The following SLC25A21 variants were observed in gnomAD, a reference collection of about 807,000 sequenced individuals.
SLC25A21 encodes mitochondrial 2-oxodicarboxylate carrier.
SLC25A21 carries 47 observed loss-of-function variants against 43.8 expected under a neutral mutation model. The ratio of observed to expected loss-of-function variants is 1.07; its 90% CI spans 0.85 to 1.37. The LOEUF (loss-of-function observed/expected upper bound fraction) is 1.37, where lower values mean the gene tolerates loss of function less well. Among genes scored for constraint, SLC25A21 ranks in the 40% most tolerant of loss-of-function variants. SLC25A21 has a pLI of 0.00. For missense variants in SLC25A21, 352 were observed against 350.2 expected (o/e 1.00, Z -0.04); for synonymous variants, 131 against 121.3 (o/e 1.08, Z -0.52).
chr14:37,155,441 C>T (rs1433387043), intron 1 of SLC25A21, among the ~76,000 whole-genome samples: 3 of 152,118 alleles, frequency 2.0e-5, no homozygotes, highest in Non-Finnish European at 4.4e-5. Context: ...GGTGGCTCAA[C>T]AATACCTAGG....
chr14:36,950,041 G>A (rs1162077644), intron 1 of SLC25A21, among the ~76,000 whole-genome samples: 1 of 152,182 alleles, frequency 6.6e-6, no homozygotes, highest in African/African-American at 2.4e-5. Context: ...AGTATGCAGA[G>A]TTCTCCAAAT....
chr14:37,055,673 T>C (rs543220726), intron 1 of SLC25A21, among the ~76,000 whole-genome samples: 41 of 152,254 alleles, frequency 2.7e-4, no homozygotes, highest in Middle Eastern at 3.4e-3. Flanking sequence ...GAGCCTAGTC[T>C]TTCAACCATC....
chr14:37,152,473 G>A lies in SLC25A21; in HGVS notation c.70+19808C>T, dbSNP rs187681891. ...CTCAGCTCACTGCAACCTCTGCTCCGGGTTCAAGCAATTCTCCTGCTTCAG... is the reference window on the plus strand; with the variant it reads ...CTCAGCTCACTGCAACCTCTGCTCCAGGTTCAAGCAATTCTCCTGCTTCAG... On this transcript the variant is annotated intron_variant, in intron 1 of 9. Coordinates refer to ENST00000331299, the MANE Select transcript of SLC25A21 (RefSeq NM_030631.4). 3.2e-3 allele frequency among the ~76,000 whole-genome samples: 476 copies of A among 149,388 alleles called. 1 individual carries two copies. Among genetic ancestry groups the A allele is most frequent in the African/African-American group, 0.011 (447 of 40,554 alleles).
At chr14:36,801,300 G>A (rs1887861209) in intron 3 of SLC25A21, among the ~76,000 whole-genome samples, 1 of 152,102 alleles carries the variant, frequency 6.6e-6, no homozygotes, top group Admixed American at 6.6e-5. Flanking sequence ...ATGCCTCAAG[G>A]GGAAATTGCA....
chr14:37,025,580 T>G (rs1325112147), intron 1 of SLC25A21, among the ~76,000 whole-genome samples: 1 of 152,130 alleles, frequency 6.6e-6, no homozygotes, highest in Non-Finnish European at 1.5e-5. Flanking sequence ...TTATATCAAT[T>G]TAAATAGAAA....
chr14:37,138,841 C>A (rs952533189), intron 1 of SLC25A21, among the ~76,000 whole-genome samples: 3 of 152,046 alleles, frequency 2.0e-5, no homozygotes, highest in Admixed American at 6.6e-5. Flanking sequence ...TAGTCTTCAA[C>A]TGAATTTTTT....
At chr14:36,891,483 T>A (rs1450951990) in intron 1 of SLC25A21, among the ~76,000 whole-genome samples, 2 of 152,184 alleles carry the variant, frequency 1.3e-5, no homozygotes, top group Non-Finnish European at 2.9e-5. Context: ...TCTGATTTCT[T>A]CATGTGCTGC....
intron 3 of SLC25A21, among the ~76,000 whole-genome samples, chr14:36,806,244 A>T (rs188192122): frequency 0.016 from 2,372 of 151,956 alleles, 29 homozygotes; most frequent in Non-Finnish European, 0.024. Flanking sequence ...TTTTATTTTT[A>T]AAAAAAGAGG....
At chr14:37,083,932 A>T (rs1288434723) in intron 1 of SLC25A21, among the ~76,000 whole-genome samples, 1 of 152,248 alleles carries the variant, frequency 6.6e-6, no homozygotes, top group African/African-American at 2.4e-5. Context: ...GCATTTAGCC[A>T]TCATCACCGT....
At chr14:37,082,541 G>A (rs1468715095) in intron 1 of SLC25A21, among the ~76,000 whole-genome samples, 2 of 152,148 alleles carry the variant, frequency 1.3e-5, no homozygotes, top group African/African-American at 2.4e-5. Flanking sequence ...GAAATGAAAG[G>A]GGAGTGATAA....
At chr14:37,163,836 T>A (rs1262458585) in intron 1 of SLC25A21, among the ~76,000 whole-genome samples, 1 of 152,194 alleles carries the variant, frequency 6.6e-6, no homozygotes, top group African/African-American at 2.4e-5. Context: ...GTAAGTATTA[T>A]CTAATGACTA....
At chr14:36,693,974 A>G (rs1474075531) in intron 7 of SLC25A21, among the ~76,000 whole-genome samples, 1 of 152,216 alleles carries the variant, frequency 6.6e-6, no homozygotes, top group East Asian at 1.9e-4. Context: ...CAGGTTTGAT[A>G]CATAGGTATA....
At chr14:36,821,927 A>G (rs1203636291) in intron 2 of SLC25A21, among the ~76,000 whole-genome samples, 1 of 152,164 alleles carries the variant, frequency 6.6e-6, no homozygotes, top group Non-Finnish European at 1.5e-5. Context: ...GCCTCTAATC[A>G]TGTTCGAAGG....
chr14:36,807,188 A>C (rs1401301017), intron 3 of SLC25A21: 1 of 152,190 alleles, frequency 6.6e-6, no homozygotes. Flanking sequence ...TCTGAGATGT[A>C]GATCTCATCT....
intron 1 of SLC25A21, among the ~76,000 whole-genome samples, chr14:37,144,160 A>T (rs75087693): frequency 0.016 from 2,404 of 152,304 alleles, 29 homozygotes; most frequent in Non-Finnish European, 0.024. Flanking sequence ...AAATCTTGGG[A>T]AAAGGACTGA....
intron 2 of SLC25A21, among the ~76,000 whole-genome samples, chr14:36,827,543 T>C (rs529803818): frequency 6.6e-6 from 1 of 152,346 alleles, no homozygotes; most frequent in South Asian, 2.1e-4. Context: ...TTTAATTTTC[T>C]TTAATATAGA....
intron 1 of SLC25A21, among the ~76,000 whole-genome samples, chr14:37,119,996 T>C (rs17106358): frequency 0.025 from 3,806 of 152,192 alleles, 128 homozygotes; most frequent in Admixed American, 0.093. Flanking sequence ...GAAAATAAGA[T>C]GGAAACATTT....
At chr14:36,890,924 A>G (rs1437146226) in intron 1 of SLC25A21, among the ~76,000 whole-genome samples, 2 of 152,216 alleles carry the variant, frequency 1.3e-5, no homozygotes, top group African/African-American at 4.8e-5. Context: ...AAAAAATTTG[A>G]AACACTGAAT....
At chr14:36,718,838 A>C (rs752353401) in intron 6 of SLC25A21, among the ~76,000 whole-genome samples, 24 of 152,224 alleles carry the variant, frequency 1.6e-4, no homozygotes, top group Non-Finnish European at 2.9e-4. Context: ...TTATAATCAG[A>C]GCAAGATAGA....
Sources: gnomAD v4.1 joint callset for allele counts (sites outside exome capture counted in the v4.1 genomes callset) on GRCh38, gnomAD v4.1.1 for gene constraint, MANE v1.5 for transcripts, NCBI Gene and HGNC (gene_info 2026-07-23, HGNC 2026-07-21) for gene names.